The following BCAR3 variants were observed in gnomAD, a reference collection of about 807,000 sequenced individuals.
BCAR3 encodes the protein breast cancer anti-estrogen resistance protein 3.
In BCAR3, 37 loss-of-function variants were observed where a neutral mutation model predicts 80.1. That is an observed-to-expected ratio of 0.46 (90% CI 0.36 to 0.61). The LOEUF (loss-of-function observed/expected upper bound fraction) is 0.61. Ranked by LOEUF, BCAR3 falls within the 20% of genes least tolerant of loss-of-function variation. The pLI is 0.00. For missense variants in BCAR3, 978 were observed against 1,068.2 expected, an observed-to-expected ratio of 0.92 and a Z score of 1.18; for synonymous variants, 389 against 418.9, an observed-to-expected ratio of 0.93 and a Z score of 0.87.
chr1:93,762,937 C>A (rs1191398813), intron 2 of BCAR3, among the ~76,000 whole-genome samples: 1 of 152,230 alleles, frequency 6.6e-6, no homozygotes, highest in Non-Finnish European at 1.5e-5. Flanking sequence ...CAAATGACCA[C>A]TCCTTGCCTG....
chr1:93,784,470 C>T (rs1652873464), intron 2 of BCAR3, among the ~76,000 whole-genome samples: 1 of 152,080 alleles, frequency 6.6e-6, no homozygotes, highest in Admixed American at 6.6e-5. Flanking sequence ...CTCCTAAGTG[C>T]CAGCAGTGCT....
At chr1:93,724,085 G>A (rs1650498237) in intron 2 of BCAR3, among the ~76,000 whole-genome samples, 1 of 152,180 alleles carries the variant, frequency 6.6e-6, no homozygotes, top group East Asian at 1.9e-4. Flanking sequence ...GCAACAAAGT[G>A]ATTAAGTAGG....
intron 5 of BCAR3, 85 bp from the exon 6 acceptor site, chr1:93,584,206 A>G: frequency 1.6e-6 from 2 of 1,243,228 alleles, no homozygotes; most frequent in Non-Finnish European, 2.2e-6. Flanking sequence ...ACTTAAACAA[A>G]AACAAAAAAA....
intron 6 of BCAR3, among the ~76,000 whole-genome samples, 182 bp from the exon 7 acceptor site, chr1:93,583,135 C>T (rs1186794282): frequency 6.6e-6 from 1 of 152,168 alleles, no homozygotes; most frequent in Non-Finnish European, 1.5e-5. Context: ...TCTACAGCAT[C>T]GTGAGGGCTG....
chr1:93,768,923 T>C (rs544768044), intron 2 of BCAR3, among the ~76,000 whole-genome samples: 17 of 152,248 alleles, frequency 1.1e-4, no homozygotes, highest in African/African-American at 4.1e-4. Flanking sequence ...CAGATGAAAA[T>C]AATCCCTTTA....
intron 2 of BCAR3, among the ~76,000 whole-genome samples, chr1:93,830,108 G>C (rs1449999389): frequency 6.6e-6 from 1 of 152,170 alleles, no homozygotes; most frequent in African/African-American, 2.4e-5. Flanking sequence ...GCAGATGCTA[G>C]CATCATGCTT....
intron 3 of BCAR3, among the ~76,000 whole-genome samples, chr1:93,604,650 A>G (rs1264638076): frequency 6.6e-6 from 1 of 152,198 alleles, no homozygotes; most frequent in Non-Finnish European, 1.5e-5. Flanking sequence ...TTCTCTGGGC[A>G]AGGTCTCTTG....
At position 93,674,833 on chromosome 1, in the gene BCAR3, G is replaced by A; in HGVS notation, c.98C>T (p.Pro33Leu). The part of the protein sequence containing the change: ...SSMDLLSSRS[P>L]LAEHRPDAYQ... ...GGCATCTGGGCGATGCTCAGCGAGA[G>A]GGGACCTGCTGCTCAGAAGGTCCAT... is the stretch of plus-strand genomic sequence containing the variant. The change falls in exon 2 of 12, where the codon CCT becomes CTT. Residue 33 changes from proline to leucine, a missense_variant. Pro to Leu is a moderately conservative substitution (Grantham distance 98, BLOSUM62 -3). Transcript: ENST00000260502. The A allele has an allele frequency of 6.2e-7, 1 of 1,604,464 alleles. No homozygotes were observed. The highest frequency in any genetic ancestry group is 8.5e-7 in the Non-Finnish European group (1 of 1,176,338).
At chr1:93,674,510 A>G in intron 2 of BCAR3, 104 bp downstream of exon 2, 3 of 1,282,892 alleles carry the variant, frequency 2.3e-6, no homozygotes, top group Non-Finnish European at 3.2e-6. Context: ...TCAGCCTCCC[A>G]AAGTGCTGGG....
chr1:93,597,203 G>T (rs1413745577), intron 3 of BCAR3, among the ~76,000 whole-genome samples: 1 of 152,168 alleles, frequency 6.6e-6, no homozygotes, highest in Non-Finnish European at 1.5e-5. Flanking sequence ...CACTCACATG[G>T]CCCCACTTCG....
chr1:93,630,691 G>A (rs1466555551), intron 3 of BCAR3, among the ~76,000 whole-genome samples: 2 of 152,154 alleles, frequency 1.3e-5, no homozygotes, highest in African/African-American at 4.8e-5. Context: ...AGAGTAATGA[G>A]ATAGTGACTT....
intron 2 of BCAR3, among the ~76,000 whole-genome samples, chr1:93,663,958 A>G (rs1020287494): frequency 1.3e-5 from 2 of 152,164 alleles, no homozygotes; most frequent in Non-Finnish European, 2.9e-5. Flanking sequence ...ACTTGAGGCC[A>G]TGGGATTGTG....
At chr1:93,788,869 G>C (rs557716123) in intron 2 of BCAR3, among the ~76,000 whole-genome samples, 1 of 152,228 alleles carries the variant, frequency 6.6e-6, no homozygotes, top group East Asian at 1.9e-4. Flanking sequence ...TTTCCTTTCA[G>C]TAGTAGAAGG....
chr1:93,738,072 G>A (rs1057342624), intron 2 of BCAR3, among the ~76,000 whole-genome samples: 9 of 152,088 alleles, frequency 5.9e-5, no homozygotes, highest in South Asian at 4.1e-4. Flanking sequence ...GGCTTGAAGC[G>A]ATCCTCCTGC....
At chr1:93,696,476 C>A (rs1214820335) in intron 3 of BCAR3, among the ~76,000 whole-genome samples, 2 of 152,120 alleles carry the variant, frequency 1.3e-5, no homozygotes, top group African/African-American at 4.8e-5. Flanking sequence ...AAGTCATGCC[C>A]TCCTCTCCTT....
intron 3 of BCAR3, among the ~76,000 whole-genome samples, chr1:93,622,736 C>T (rs1675351507): frequency 6.6e-6 from 1 of 152,186 alleles, no homozygotes; most frequent in Non-Finnish European, 1.5e-5. Flanking sequence ...TCTTCACTTC[C>T]TAACGTAGTC....
chr1:93,592,811 G>C lies in BCAR3; in HGVS notation c.358-418C>G, dbSNP rs956531244. On this transcript the variant is annotated intron_variant, in intron 3 of 11. Coordinates refer to ENST00000260502, the MANE Select transcript of BCAR3 (RefSeq NM_003567.4). This position sits in a 1 kb window ranked among gnomAD's most constrained non-coding sequence, Gnocchi z 4.8. The stretch of plus-strand genomic sequence containing the variant: ...TCTGGCCTTAGATCCTGGGCCTCTG[G>C]GCAGTGAGGCCCAAAGCACAGTCCT... 1.3e-5 allele frequency among the ~76,000 whole-genome samples: 2 copies of C among 152,174 alleles called. No homozygotes were observed. The highest frequency in any genetic ancestry group is 6.5e-5 in the Admixed American group (1 of 15,288).
chr1:93,831,572 G>C (rs1301103186), intron 2 of BCAR3, among the ~76,000 whole-genome samples: 1 of 152,118 alleles, frequency 6.6e-6, no homozygotes, highest in African/African-American at 2.4e-5. Context: ...CCTAATCTCT[G>C]TTCCTGAAGC....
intron 2 of BCAR3, among the ~76,000 whole-genome samples, chr1:93,824,651 C>G (rs529453638): frequency 8.0e-6 from 1 of 124,544 alleles, no homozygotes; most frequent in African/African-American, 2.8e-5. Flanking sequence ...CTCCTCCTTT[C>G]TTAGTGGCCC....
Sources: allele counts gnomAD v4.1 joint callset (sites outside exome capture counted in the v4.1 genomes callset), GRCh38; gene constraint gnomAD v4.1.1; non-coding constraint Gnocchi (gnomAD v3.1); transcripts MANE v1.5; gene names NCBI Gene and HGNC (gene_info 2026-07-23, HGNC 2026-07-21).